The following GMDS variants were observed in gnomAD, a reference collection of about 807,000 sequenced individuals.
GMDS encodes GDP-mannose 4,6 dehydratase.
In GMDS, 20 loss-of-function variants were observed where a neutral mutation model predicts 49.9. The observed-to-expected ratio is 0.40, with a 90% confidence interval of 0.28 to 0.58. GMDS has a LOEUF of 0.58. Ranked by LOEUF, GMDS falls within the 20% of genes least tolerant of loss-of-function variation. The pLI is 0.42. For missense variants in GMDS, 362 were observed against 481.4 expected (o/e 0.75, Z 2.32); for synonymous variants, 177 against 178.6 (o/e 0.99, Z 0.07).
intron 8 of GMDS, among the ~76,000 whole-genome samples, chr6:1,732,251 C>T (rs543877449): frequency 1.1e-4 from 16 of 152,224 alleles, no homozygotes; most frequent in East Asian, 5.8e-4. Flanking sequence ...CGCTTGAACC[C>T]AGGAGGCGGA....
intron 9 of GMDS, among the ~76,000 whole-genome samples, chr6:1,659,803 T>C (rs1764008490): frequency 6.6e-6 from 1 of 151,978 alleles, no homozygotes; most frequent in Admixed American, 6.6e-5. Flanking sequence ...GGAAACTGAG[T>C]AACTGAAGCT....
At chr6:1,898,397 C>CA (rs1259477174) in intron 7 of GMDS, among the ~76,000 whole-genome samples, 2 of 152,242 alleles carry the variant, frequency 1.3e-5, no homozygotes, top group Non-Finnish European at 2.9e-5. Flanking sequence ...CTCATGCTTG[C>CA]AGGTATAGAC....
intron 4 of GMDS, among the ~76,000 whole-genome samples, chr6:1,988,440 G>A (rs57111664): frequency 0.096 from 14,619 of 152,058 alleles, 702 homozygotes; most frequent in Non-Finnish European, 0.11. Context: ...TCCTCCCTTT[G>A]GGATGAAAGA....
At chr6:2,142,029 C>T (rs1313216917) in intron 1 of GMDS, among the ~76,000 whole-genome samples, 3 of 152,104 alleles carry the variant, frequency 2.0e-5, no homozygotes, top group Non-Finnish European at 4.4e-5. Context: ...TAGGTTAATG[C>T]CCAACAATAG....
At chr6:1,648,007 T>G (rs1157395339) in intron 9 of GMDS, among the ~76,000 whole-genome samples, 1 of 152,174 alleles carries the variant, frequency 6.6e-6, no homozygotes, top group African/African-American at 2.4e-5. Context: ...CAGGGGCTTC[T>G]CGACGGTAAA....
chr6:1,931,243 C>T (rs867475699), intron 6 of GMDS, among the ~76,000 whole-genome samples: 3 of 152,162 alleles, frequency 2.0e-5, no homozygotes, highest in Admixed American at 6.5e-5. Context: ...GCAGATGAAG[C>T]AGGGAGGCAA....
chr6:1,705,388 C>T (rs1765695574), intron 9 of GMDS, among the ~76,000 whole-genome samples: 1 of 152,210 alleles, frequency 6.6e-6, no homozygotes, highest in Non-Finnish European at 1.5e-5. Flanking sequence ...CTGCCTCTGT[C>T]CCCTGCCCCT....
At chr6:2,009,358 T>C (rs1189340912) in intron 4 of GMDS, among the ~76,000 whole-genome samples, 3 of 152,176 alleles carry the variant, frequency 2.0e-5, no homozygotes, top group African/African-American at 4.8e-5. Flanking sequence ...TATCAGACAC[T>C]TGAGGAATGG....
chr6:1,896,884 A>G (rs1479306424), intron 7 of GMDS, among the ~76,000 whole-genome samples: 3 of 152,222 alleles, frequency 2.0e-5, no homozygotes, highest in East Asian at 3.8e-4. Flanking sequence ...AGGGATGAAC[A>G]GGGAGACAGG....
intron 7 of GMDS, among the ~76,000 whole-genome samples, chr6:1,797,994 T>C (rs1408466101): frequency 6.6e-6 from 1 of 152,242 alleles, no homozygotes; most frequent in Non-Finnish European, 1.5e-5. Flanking sequence ...GAATGTCACA[T>C]AGTTATTTCC....
intron 9 of GMDS, among the ~76,000 whole-genome samples, chr6:1,653,243 T>C (rs1229546151): frequency 2.6e-5 from 4 of 152,188 alleles, no homozygotes; most frequent in Middle Eastern, 3.2e-3. Flanking sequence ...TGACCACATA[T>C]ACTTCACTTA....
intron 9 of GMDS, among the ~76,000 whole-genome samples, chr6:1,675,784 T>C (rs9501756): frequency 0.35 from 51,980 of 148,606 alleles, 9,268 homozygotes; most frequent in Middle Eastern, 0.48. Flanking sequence ...ACTCGGGAGG[T>C]GGAGGTTGCA....
At chr6:2,245,198 G>A in intron 1 of GMDS, 123 bp downstream of exon 1, 1 of 691,056 alleles carries the variant, frequency 1.4e-6, no homozygotes. Context: ...CCCGGCAGCA[G>A]ACCCCTTCCG....
intron 7 of GMDS, among the ~76,000 whole-genome samples, chr6:1,913,406 A>AAAG (rs1761185046): frequency 2.0e-5 from 3 of 151,034 alleles, no homozygotes; most frequent in Non-Finnish European, 3.0e-5. Flanking sequence ...AAAAAAAAAA[A>AAAG]AAAGAAAGTT....
intron 4 of GMDS, among the ~76,000 whole-genome samples, chr6:2,056,029 A>T (rs1770756105): frequency 6.6e-6 from 1 of 152,224 alleles, no homozygotes; most frequent in East Asian, 1.9e-4. Flanking sequence ...AATGTAAGAC[A>T]TCATCAATGT....
At chr6:1,633,410 C>A (rs945692133) in intron 9 of GMDS, among the ~76,000 whole-genome samples, 1 of 152,156 alleles carries the variant, frequency 6.6e-6, no homozygotes, top group African/African-American at 2.4e-5. Flanking sequence ...GAGAAGCAAA[C>A]GTGGACAAGA....
chr6:2,053,051 A>G (rs1177461564), intron 4 of GMDS, among the ~76,000 whole-genome samples: 1 of 152,172 alleles, frequency 6.6e-6, no homozygotes, highest in Non-Finnish European at 1.5e-5. Flanking sequence ...AAAATTCCCA[A>G]TGTTAAATAA....
Position 1,628,025 on chromosome 6 carries a change from C to G in GMDS, c.988-3485G>C, listed in dbSNP as rs72838808. On this transcript the variant is annotated intron_variant, in intron 9 of 10. Coordinates refer to ENST00000380815, the MANE Select transcript of GMDS (RefSeq NM_001500.4). Reference sequence around the variant, plus strand: ...GCCCTCCAGATTTCTGACTCACGGACTGTGTGTATTCATTTGACCTTCGGG... The same window carrying G: ...GCCCTCCAGATTTCTGACTCACGGAGTGTGTGTATTCATTTGACCTTCGGG... 5.0e-3 allele frequency among the ~76,000 whole-genome samples: 766 copies of G among 152,320 alleles called. 8 individuals are homozygous for G. Among genetic ancestry groups the G allele is most frequent in the South Asian group, 0.027 (128 of 4,824 alleles).
At chr6:1,788,963 G>A (rs226448) in intron 7 of GMDS, among the ~76,000 whole-genome samples, 60,412 of 151,808 alleles carry the variant, frequency 0.4, 12,126 homozygotes, top group African/African-American at 0.43. Flanking sequence ...CCCGGTTTGC[G>A]GGTCCCCAGG....
Sources: gnomAD v4.1 joint callset for allele counts (sites outside exome capture counted in the v4.1 genomes callset) on GRCh38, gnomAD v4.1.1 for gene constraint, MANE v1.5 for transcripts, NCBI Gene and HGNC (gene_info 2026-07-23, HGNC 2026-07-21) for gene names.